PROS1: variants seen among roughly 807,000 people sequenced by gnomAD.
PROS1 encodes the protein protein S, also known as vitamin K-dependent protein S.
A neutral mutation model predicts 75.9 loss-of-function variants in PROS1; 29 were observed. The observed-to-expected ratio is 0.38, with a 90% CI of 0.28 to 0.52. The LOEUF is 0.52. Ranked by LOEUF, PROS1 falls within the 20% of genes least tolerant of loss-of-function variation. PROS1 has a pLI of 0.83. For synonymous variants in PROS1, 245 were observed against 280.6 expected, an observed-to-expected ratio of 0.87 and a Z score of 1.27; for missense variants, 680 against 810.3, an observed-to-expected ratio of 0.84 and a Z score of 1.95.
intron 1 of PROS1, among the ~76,000 whole-genome samples, chr3:93,965,915 A>T (rs1328272045): frequency 3.9e-5 from 6 of 152,078 alleles, no homozygotes; most frequent in African/African-American, 4.8e-5. Flanking sequence ...GACTGATCCC[A>T]AACTCCTGAC....
chr3:93,949,992 G>A (rs577391024), intron 1 of PROS1, among the ~76,000 whole-genome samples: 12 of 152,158 alleles, frequency 7.9e-5, no homozygotes, highest in East Asian at 3.9e-4. Context: ...CTAATACTGC[G>A]CTTTTCCAAT....
intron 1 of PROS1, among the ~76,000 whole-genome samples, chr3:93,939,867 C>T (rs1336055131): frequency 1.3e-5 from 2 of 152,150 alleles, no homozygotes; most frequent in African/African-American, 2.4e-5. Flanking sequence ...GGCCCTCAAA[C>T]CCCACAACAG....
At chr3:93,960,182 T>A (rs1709681041) in intron 1 of PROS1, among the ~76,000 whole-genome samples, 1 of 151,642 alleles carries the variant, frequency 6.6e-6, no homozygotes, top group Non-Finnish European at 1.5e-5. Flanking sequence ...GTCACTTTTT[T>A]TTTTTTTTTT....
At chr3:93,969,763 C>T (rs1004090554) in intron 1 of PROS1, among the ~76,000 whole-genome samples, 1 of 152,204 alleles carries the variant, frequency 6.6e-6, no homozygotes, top group Non-Finnish European at 1.5e-5. Context: ...TTCCTTCCTT[C>T]CTCTCTTTTT....
intron 1 of PROS1, among the ~76,000 whole-genome samples, chr3:93,963,325 T>C (rs1709736482): frequency 2.6e-5 from 4 of 152,138 alleles, no homozygotes; most frequent in Admixed American, 2.6e-4. Context: ...GCTATGTAGT[T>C]GTGATAGCAT....
At chr3:93,927,927 G>A (rs1441955900) in intron 1 of PROS1, among the ~76,000 whole-genome samples, 3 of 123,462 alleles carry the variant, frequency 2.4e-5, no homozygotes, top group Non-Finnish European at 5.0e-5. Flanking sequence ...ATATATATGT[G>A]TATATATATA....
intron 6 of PROS1, among the ~76,000 whole-genome samples, chr3:93,904,245 C>T (rs1390303694): frequency 5.9e-5 from 9 of 151,868 alleles, no homozygotes; most frequent in Non-Finnish European, 1.0e-4. Flanking sequence ...TTCCAAGTCT[C>T]TGCTATTGTG....
intron 7 of PROS1, 88 bp from the exon 8 acceptor site, chr3:93,898,657 G>T: frequency 6.9e-7 from 1 of 1,455,186 alleles, no homozygotes; most frequent in Non-Finnish European, 9.6e-7. Context: ...ATTGTAGTAT[G>T]ATATAATCAA....
chr3:93,922,417 C>T (rs534801834), intron 3 of PROS1, among the ~76,000 whole-genome samples: 3 of 152,190 alleles, frequency 2.0e-5, no homozygotes, highest in African/African-American at 7.2e-5. Flanking sequence ...TTATTTATTC[C>T]ACTTCTTACA....
chr3:93,917,830 G>C (rs1173711068), intron 3 of PROS1, among the ~76,000 whole-genome samples: 1 of 152,182 alleles, frequency 6.6e-6, no homozygotes, highest in Non-Finnish European at 1.5e-5. Flanking sequence ...CTGCAGGGCA[G>C]GGTTCGGGAC....
At chr3:93,962,143 G>T (rs1018595624) in intron 1 of PROS1, among the ~76,000 whole-genome samples, 2 of 152,064 alleles carry the variant, frequency 1.3e-5, no homozygotes, top group Non-Finnish European at 2.9e-5. Context: ...AGTGGAATGG[G>T]AAGAAACAGG....
At chr3:93,900,411 C>T (rs1303895471) in intron 7 of PROS1, among the ~76,000 whole-genome samples, 1 of 152,174 alleles carries the variant, frequency 6.6e-6, no homozygotes, top group East Asian at 1.9e-4. Context: ...AAAGTTTTAA[C>T]CATGCTCATT....
At chr3:93,913,996 TTTTCC>T (rs1402802723) in intron 3 of PROS1, among the ~76,000 whole-genome samples, 4 of 152,226 alleles carry the variant, frequency 2.6e-5, no homozygotes, top group African/African-American at 9.6e-5. Flanking sequence ...TCTAATATAG[TTTTCC>T]TTGACTCTAT....
chr3:93,956,486 TTCTCTCTCTGTCTCTC>T (rs1431227371), intron 1 of PROS1, among the ~76,000 whole-genome samples: 7 of 146,552 alleles, frequency 4.8e-5, no homozygotes, highest in South Asian at 2.2e-4. Flanking sequence ...AACAGACTGA[TTCTCTCTCTGTCTCTC>T]TCTCTCTCTG....
intron 1 of PROS1, among the ~76,000 whole-genome samples, chr3:93,937,233 C>A (rs1709197451): frequency 6.6e-6 from 1 of 152,154 alleles, no homozygotes; most frequent in South Asian, 2.1e-4. Context: ...TTGATTTGAG[C>A]AAGCAGGCAG....
chr3:93,909,140 A>C (rs1048884854), intron 4 of PROS1, among the ~76,000 whole-genome samples: 2 of 152,184 alleles, frequency 1.3e-5, no homozygotes, highest in Admixed American at 6.5e-5. Context: ...GAGCAATATT[A>C]AGAAGTACAA....
intron 4 of PROS1, among the ~76,000 whole-genome samples, chr3:93,909,268 A>G (rs538804145): frequency 6.6e-6 from 1 of 151,964 alleles, no homozygotes; most frequent in African/African-American, 2.4e-5. Context: ...CCAAGACCCC[A>G]TCTCTATAAA....
chr3:93,963,283 C>T (rs575466556), intron 1 of PROS1, among the ~76,000 whole-genome samples: 1 of 152,238 alleles, frequency 6.6e-6, no homozygotes, highest in Admixed American at 6.5e-5. Context: ...GTAAACAGCT[C>T]ATCATAAGCG....
At chr3:93,886,996 G>A (rs953161088) in intron 10 of PROS1, among the ~76,000 whole-genome samples, 30 of 147,080 alleles carry the variant, frequency 2.0e-4, no homozygotes, top group African/African-American at 6.8e-4. Flanking sequence ...TCGGCTCACT[G>A]CAAGCTCCGC....
Sources: allele counts gnomAD v4.1 joint callset (sites outside exome capture counted in the v4.1 genomes callset), GRCh38; gene constraint gnomAD v4.1.1; transcripts MANE v1.5; gene names NCBI Gene and HGNC (gene_info 2026-07-23, HGNC 2026-07-21).